FAM117B: variants seen among roughly 807,000 people sequenced by gnomAD.
FAM117B encodes family with sequence similarity 117 member B.
A neutral mutation model predicts 52.8 loss-of-function variants in FAM117B; 22 were observed. The ratio of observed to expected loss-of-function variants is 0.42; its 90% CI spans 0.30 to 0.59. The LOEUF is 0.59. Among genes scored for constraint, FAM117B ranks in the 20% least tolerant of loss-of-function variants. The probability of loss-of-function intolerance (pLI) is 0.22; values close to 1 mark genes in which losing one functional copy is unlikely to be tolerated. For synonymous variants in FAM117B, 309 were observed against 324.1 expected (o/e 0.95, Z 0.50); for missense variants, 678 against 802.6 (o/e 0.84, Z 1.88).
chr2:202,732,752 C>T (rs140245338), intron 4 of FAM117B, among the ~76,000 whole-genome samples: 1,539 of 152,034 alleles, frequency 0.01, 24 homozygotes, highest in African/African-American at 0.035. Flanking sequence ...ACCTGGGCGG[C>T]AGAGGTTGTG....
intron 2 of FAM117B, among the ~76,000 whole-genome samples, chr2:202,712,419 CTT>C (rs1186703318): frequency 6.8e-3 from 608 of 89,452 alleles, no homozygotes; most frequent in African/African-American, 0.015. Context: ...TATCAGCTCT[CTT>C]TTTTTTTTTT....
At chr2:202,652,245 C>T (rs1452504831) in intron 1 of FAM117B, among the ~76,000 whole-genome samples, 3 of 152,000 alleles carry the variant, frequency 2.0e-5, no homozygotes, top group Admixed American at 6.6e-5. Flanking sequence ...ACCACAGGTG[C>T]ATGCCACCTT....
chr2:202,677,296 G>T (rs546093160), intron 1 of FAM117B, among the ~76,000 whole-genome samples: 2 of 152,176 alleles, frequency 1.3e-5, no homozygotes, highest in East Asian at 3.9e-4. Flanking sequence ...TCGATCTCCT[G>T]ACCTCGTGAT....
intron 1 of FAM117B, among the ~76,000 whole-genome samples, chr2:202,670,425 G>A (rs1690272596): frequency 6.6e-6 from 1 of 151,874 alleles, no homozygotes; most frequent in African/African-American, 2.4e-5. Context: ...GAGTAGGTGG[G>A]ATTACAGGCG....
chr2:202,655,761 A>AGAGAGTGT (rs1690046684), intron 1 of FAM117B, among the ~76,000 whole-genome samples: 13 of 100,368 alleles, frequency 1.3e-4, no homozygotes, highest in Non-Finnish European at 2.4e-4. Flanking sequence ...AGAGAGAGAG[A>AGAGAGTGT]GTGTGTGTGT....
intron 1 of FAM117B, among the ~76,000 whole-genome samples, chr2:202,652,210 C>T (rs1689968090): frequency 1.3e-5 from 2 of 152,128 alleles, no homozygotes; most frequent in East Asian, 1.9e-4. Flanking sequence ...GTGATCCTCC[C>T]ACCTCAGCCT....
At chr2:202,752,490 G>A (rs1691740657) in intron 4 of FAM117B, among the ~76,000 whole-genome samples, 1 of 148,230 alleles carries the variant, frequency 6.7e-6, no homozygotes, top group Admixed American at 6.9e-5. Context: ...ACTAAGTTCT[G>A]TATCAGACAG....
At chr2:202,697,757 C>T (rs1690734588) in intron 2 of FAM117B, among the ~76,000 whole-genome samples, 1 of 152,062 alleles carries the variant, frequency 6.6e-6, no homozygotes. Context: ...ACCATGTTGG[C>T]CAGGCTGGTC....
At chr2:202,705,439 C>T (rs1260106358) in intron 2 of FAM117B, among the ~76,000 whole-genome samples, 1 of 152,174 alleles carries the variant, frequency 6.6e-6, no homozygotes, top group East Asian at 1.9e-4. Flanking sequence ...TTTTACTGTA[C>T]ATGATTATTT....
chr2:202,737,615 T>G (rs969884990), intron 4 of FAM117B, among the ~76,000 whole-genome samples: 8 of 152,096 alleles, frequency 5.3e-5, no homozygotes, highest in Non-Finnish European at 1.0e-4. Context: ...AACTTTTTTT[T>G]TTTTGAGACA....
At chr2:202,718,893 A>G (rs371957487) in intron 2 of FAM117B, among the ~76,000 whole-genome samples, 18 of 152,280 alleles carry the variant, frequency 1.2e-4, no homozygotes, top group East Asian at 7.7e-4. Context: ...GGGGACTTCT[A>G]TCATCACATA....
intron 2 of FAM117B, among the ~76,000 whole-genome samples, chr2:202,696,373 T>C (rs945764106): frequency 6.6e-6 from 1 of 152,196 alleles, no homozygotes; most frequent in African/African-American, 2.4e-5. Context: ...AGACGAAGAA[T>C]TGTATTGGGC....
intron 6 of FAM117B, 110 bp from the exon 7 acceptor site, chr2:202,759,123 A>G: frequency 8.7e-7 from 1 of 1,146,780 alleles, no homozygotes; most frequent in Non-Finnish European, 1.2e-6. Context: ...TCCTTGATTA[A>G]TAAAGCACTG....
intron 7 of FAM117B, among the ~76,000 whole-genome samples, chr2:202,759,724 A>AT: frequency 6.6e-6 from 1 of 151,994 alleles, no homozygotes; most frequent in Middle Eastern, 3.4e-3. Flanking sequence ...CGCCCGGCTA[A>AT]TTTTTTGTAT....
chr2:202,720,073 A>T (rs939283606), intron 2 of FAM117B, among the ~76,000 whole-genome samples: 1 of 152,126 alleles, frequency 6.6e-6, no homozygotes, highest in African/African-American at 2.4e-5. Flanking sequence ...AATATTTGAG[A>T]TTGTAAATAT....
chr2:202,709,351 C>T (rs1428147616), intron 2 of FAM117B, among the ~76,000 whole-genome samples: 3 of 152,014 alleles, frequency 2.0e-5, no homozygotes, highest in African/African-American at 7.2e-5. Context: ...TACAGGCACC[C>T]GCCATCACGC....
At chr2:202,659,886 T>TG (rs1690104254) in intron 1 of FAM117B, among the ~76,000 whole-genome samples, 1 of 152,022 alleles carries the variant, frequency 6.6e-6, no homozygotes, top group Non-Finnish European at 1.5e-5. Context: ...CCCAAAGTGC[T>TG]GGGATTACAG....
At chr2:202,654,094 A>AGAGT (rs758992229) in intron 1 of FAM117B, among the ~76,000 whole-genome samples, 4 of 147,510 alleles carry the variant, frequency 2.7e-5, no homozygotes, top group Non-Finnish European at 4.5e-5. Context: ...AGAGAGAGAG[A>AGAGT]GAGTGAGAGT....
At chr2:202,725,152 A>T in intron 3 of FAM117B, 143 bp downstream of exon 3, 1 of 508,896 alleles carries the variant, frequency 2.0e-6, no homozygotes, top group Non-Finnish European at 3.5e-6. Flanking sequence ...AAAAACAATT[A>T]TTGTGTTGAT....
Sources: allele counts gnomAD v4.1 joint callset (sites outside exome capture counted in the v4.1 genomes callset), GRCh38; gene constraint gnomAD v4.1.1; transcripts MANE v1.5; gene names NCBI Gene and HGNC (gene_info 2026-07-23, HGNC 2026-07-21).